The following FAM78B variants were observed in gnomAD, a reference collection of about 807,000 sequenced individuals.
The protein encoded by FAM78B is family with sequence similarity 78 member B, also known as protein FAM78B.
FAM78B carries 10 observed loss-of-function variants against 20.0 expected under a neutral mutation model. That is an observed-to-expected ratio of 0.50 (90% CI 0.31 to 0.85). FAM78B has a LOEUF of 0.85. Ranked by LOEUF, FAM78B falls within the 40% of genes least tolerant of loss-of-function variation. The probability of loss-of-function intolerance (pLI) is 0.05; values close to 1 mark genes in which losing one functional copy is unlikely to be tolerated. For missense variants in FAM78B, 283 were observed against 345.0 expected, an observed-to-expected ratio of 0.82 and a Z score of 1.42; for synonymous variants, 135 against 132.8, an observed-to-expected ratio of 1.02 and a Z score of -0.12.
At chr1:166,154,405 A>G (rs1655812721) in intron 1 of FAM78B, among the ~76,000 whole-genome samples, 1 of 152,224 alleles carries the variant, frequency 6.6e-6, no homozygotes, top group Non-Finnish European at 1.5e-5. Context: ...GCCATCTGTG[A>G]CAGGTGTCTC....
intron 1 of FAM78B, chr1:166,087,511 T>C (rs550501590): frequency 6.6e-6 from 1 of 152,314 alleles, no homozygotes; most frequent in East Asian, 1.9e-4. Flanking sequence ...TACCATGTCT[T>C]GAGCACCTAG....
chr1:166,100,024 C>G (rs1490607019), intron 1 of FAM78B, among the ~76,000 whole-genome samples: 1 of 152,198 alleles, frequency 6.6e-6, no homozygotes, highest in Middle Eastern at 3.2e-3. Context: ...AAACGAGCCT[C>G]AATAAATTTA....
chr1:166,092,885 A>G (rs1653134184), intron 1 of FAM78B, among the ~76,000 whole-genome samples: 2 of 152,156 alleles, frequency 1.3e-5, no homozygotes, highest in African/African-American at 2.4e-5. Context: ...CCTCCCAACA[A>G]TGTTGGTTAG....
intron 1 of FAM78B, among the ~76,000 whole-genome samples, chr1:166,158,839 C>T (rs1241744916): frequency 4.6e-5 from 7 of 152,250 alleles, no homozygotes; most frequent in Admixed American, 3.9e-4. Context: ...CTCAGCACCA[C>T]GAGGACTCTG....
chr1:166,115,744 ATGACACCAAAGC>A (rs1654230012), intron 1 of FAM78B, among the ~76,000 whole-genome samples: 1 of 152,204 alleles, frequency 6.6e-6, no homozygotes, highest in African/African-American at 2.4e-5. Flanking sequence ...TCCAGAGGAG[ATGACACCAAAGC>A]TGGAAGGAAC....
chr1:166,165,408 T>C (rs1481049120), intron 1 of FAM78B, among the ~76,000 whole-genome samples: 1 of 152,126 alleles, frequency 6.6e-6, no homozygotes, highest in Non-Finnish European at 1.5e-5. Context: ...TGTGTCCGGC[T>C]TGTGGTTCCA....
intron 1 of FAM78B, among the ~76,000 whole-genome samples, chr1:166,124,695 T>C (rs1264474192): frequency 1.3e-5 from 2 of 152,250 alleles, no homozygotes; most frequent in Non-Finnish European, 2.9e-5. Flanking sequence ...ACAGCCATCC[T>C]TGCACTGCTG....
chr1:166,088,733 G>A (rs933066647), intron 1 of FAM78B, among the ~76,000 whole-genome samples: 2 of 152,140 alleles, frequency 1.3e-5, no homozygotes, highest in Non-Finnish European at 2.9e-5. Flanking sequence ...AGGGATGTAG[G>A]ACTGACCCGA....
chr1:166,084,815 A>G (rs1465421814), intron 1 of FAM78B, among the ~76,000 whole-genome samples: 1 of 152,136 alleles, frequency 6.6e-6, no homozygotes, highest in East Asian at 1.9e-4. Flanking sequence ...AGGTGGTGGA[A>G]GTGGGGCACC....
chr1:166,071,674 C>A (rs1652038327), intron 1 of FAM78B, among the ~76,000 whole-genome samples: 1 of 152,324 alleles, frequency 6.6e-6, no homozygotes, highest in South Asian at 2.1e-4. Context: ...AAGATAAATA[C>A]ATTTTTATTT....
At chr1:166,133,388 G>A (rs1166303108) in intron 1 of FAM78B, among the ~76,000 whole-genome samples, 1 of 152,198 alleles carries the variant, frequency 6.6e-6, no homozygotes, top group Non-Finnish European at 1.5e-5. Flanking sequence ...AAAGACAGAT[G>A]TATGTTAGAG....
At chr1:166,086,922 C>T (rs1309388530) in intron 1 of FAM78B, among the ~76,000 whole-genome samples, 2 of 152,152 alleles carry the variant, frequency 1.3e-5, no homozygotes, top group Non-Finnish European at 2.9e-5. Flanking sequence ...CTAAATGTTC[C>T]CCCAGTGTGG....
At chr1:166,064,530 C>G (rs1279521772), downstream of FAM78B, among the ~76,000 whole-genome samples, 1 of 152,144 alleles carries the variant, frequency 6.6e-6, no homozygotes, top group Non-Finnish European at 1.5e-5. Flanking sequence ...CTTTCTAGAG[C>G]TGCTTCCTGG....
chr1:166,122,559 T>C (rs1418575033), intron 1 of FAM78B, among the ~76,000 whole-genome samples: 1 of 152,232 alleles, frequency 6.6e-6, no homozygotes, highest in African/African-American at 2.4e-5. Context: ...TGCTACAACC[T>C]ACTCACAAAT....
intron 1 of FAM78B, among the ~76,000 whole-genome samples, chr1:166,092,957 A>G (rs1653137012): frequency 6.6e-6 from 1 of 152,222 alleles, no homozygotes; most frequent in Non-Finnish European, 1.5e-5. Flanking sequence ...CTTGCCGTTA[A>G]GTGGCCGGGC....
intron 1 of FAM78B, among the ~76,000 whole-genome samples, chr1:166,114,856 G>A (rs914673526): frequency 6.6e-6 from 1 of 152,174 alleles, no homozygotes. Flanking sequence ...CTGGCAAACA[G>A]CTTAGAGTTA....
chr1:166,066,809 A>T (rs1242124468), downstream of FAM78B, among the ~76,000 whole-genome samples: 1 of 152,198 alleles, frequency 6.6e-6, no homozygotes, highest in Non-Finnish European at 1.5e-5. Context: ...AGGTCCACAG[A>T]ATGGGAGGTG....
chr1:166,165,081 G>C (rs1470967549), intron 1 of FAM78B: 1 of 152,218 alleles, frequency 6.6e-6, no homozygotes, highest in Non-Finnish European at 1.5e-5. Context: ...GCGATCCTTG[G>C]TCTTCACCGC....
At chr1:166,093,365 A>T (rs1653153544) in intron 1 of FAM78B, among the ~76,000 whole-genome samples, 1 of 152,188 alleles carries the variant, frequency 6.6e-6, no homozygotes. Context: ...ATCTCCAAGC[A>T]GAGGTTCCAA....
Sources: allele counts gnomAD v4.1 joint callset (sites outside exome capture counted in the v4.1 genomes callset), GRCh38; gene constraint gnomAD v4.1.1; transcripts MANE v1.5; gene names NCBI Gene and HGNC (gene_info 2026-07-23, HGNC 2026-07-21).